MCM10: variants seen among roughly 807,000 people sequenced by gnomAD.
The protein encoded by MCM10 is protein MCM10 homolog.
Under a neutral mutation model 109.9 loss-of-function variants are expected in MCM10, and 91 were observed. The observed-to-expected ratio is 0.83, with a 90% CI of 0.70 to 0.99. The LOEUF (loss-of-function observed/expected upper bound fraction) is 0.99, where lower values mean the gene tolerates loss of function less well. MCM10 is among the 50% of genes least tolerant of loss of function. The pLI is 0.00. For synonymous variants in MCM10, 380 were observed against 387.2 expected, an observed-to-expected ratio of 0.98 and a Z score of 0.22; for missense variants, 1,077 against 1,061.2, an observed-to-expected ratio of 1.01 and a Z score of -0.21.
rs187685058 is a variant in MCM10, at chr10:13,209,117, G to A, written c.2525G>A (p.Arg842Gln). 326 of 1,613,106 alleles carry A rather than the reference G, an allele frequency of 2.0e-4. 2 individuals carry two copies. In the East Asian group the frequency reaches 5.7e-3, roughly 28 times the overall value. The change falls in exon 19 of 20, where the codon CGG (arginine) becomes CAG (glutamine). Residue 842 changes from arginine to glutamine, a missense_variant. Arg to Gln is a conservative substitution (Grantham distance 43, BLOSUM62 1). Transcript: ENST00000378714. ...CSNCGLYKWE[R>Q]DGMLKEKTGP... ...AACTGTGGCCTCTACAAATGGGAAC[G>A]GGACGGAATGCTAAAGGTATGCCAT...
Position 13,210,300 on chromosome 10 carries a change from C to T in MCM10, c.*990C>T, listed in dbSNP as rs1834643405. ...AAACTCCTGAGCACTAGCAATCCACCCACCTCTGTTTCCAAAAAAAAAAAA... is the reference window on the plus strand; with the variant it reads ...AAACTCCTGAGCACTAGCAATCCACTCACCTCTGTTTCCAAAAAAAAAAAA... On this transcript the variant is annotated 3_prime_UTR_variant, in exon 20 of 20. Coordinates refer to ENST00000378714, the MANE Select transcript of MCM10 (RefSeq NM_018518.5). 7.1e-6 allele frequency: 1 copy of T among 141,544 alleles called. No individual in the cohort carries two copies. The highest frequency in any genetic ancestry group is 1.5e-5 in the Non-Finnish European group (1 of 64,980). The allele number at this position is 141,544 out of a possible 1,614,324, so 8.8% of individuals were successfully genotyped here.
chr10:13,162,139 A>G (rs766207718), intron 1 of MCM10, among the ~76,000 whole-genome samples: 4 of 152,172 alleles, frequency 2.6e-5, no homozygotes, highest in Non-Finnish European at 4.4e-5. Flanking sequence ...GCTTTCTTCG[A>G]CAGAGCCTGA....
chr10:13,206,230 G>A (rs769599325), intron 18 of MCM10, among the ~76,000 whole-genome samples: 29 of 152,222 alleles, frequency 1.9e-4, no homozygotes, highest in African/African-American at 2.4e-4. Context: ...GTCTGTGCTC[G>A]CTATGTTCCT....
intron 18 of MCM10, among the ~76,000 whole-genome samples, chr10:13,208,189 G>A (rs1051429659): frequency 1.3e-5 from 2 of 151,964 alleles, no homozygotes; most frequent in East Asian, 3.9e-4. Flanking sequence ...TTCAAGACCA[G>A]CCTGGGCAAC....
In MCM10 at chr10:13,210,680, T is replaced by A. The variant is rs1446403468; in HGVS notation, c.*1370T>A. On this transcript the variant is annotated 3_prime_UTR_variant, in exon 20 of 20. Transcript: ENST00000378714. ...TGCTGTATCTAACTTGTGTTCCTCC[T>A]AAGGTTATGTCCTAATAACTATTCT... 6.6e-6 allele frequency: 1 copy of A among 152,234 alleles called. No individual in the cohort carries two copies. Among genetic ancestry groups the A allele is most frequent in the Admixed American group, 6.5e-5 (1 of 15,282 alleles). 9.4% of individuals were successfully genotyped at this position (152,234 alleles called of 1,614,324 possible).
At chr10:13,203,762 G>A (rs967467464) in intron 17 of MCM10, among the ~76,000 whole-genome samples, 1 of 152,028 alleles carries the variant, frequency 6.6e-6, no homozygotes, top group African/African-American at 2.4e-5. Flanking sequence ...TAGGGAGTAA[G>A]AATAAGCCTA....
At position 13,189,194 on chromosome 10, in the gene MCM10, A is replaced by G. The variant is rs2296221; in HGVS notation, c.1415+114A>G. On this transcript the variant is annotated intron_variant, in intron 10 of 19. Coordinates refer to ENST00000378714, the MANE Select transcript of MCM10 (RefSeq NM_018518.5). ...GATACTTGTACAGGTTTTATCTTTC[A>G]TAACTCACTACTTGAAACAAGTTGG... 632,151 of 1,135,494 alleles carry G rather than the reference A, an allele frequency of 0.56. 177,851 individuals are homozygous for G. The highest frequency in any genetic ancestry group is 0.59 in the South Asian group (39,572 of 67,056). 70.3% of individuals were successfully genotyped at this position (1,135,494 alleles called of 1,614,324 possible). A position where few individuals can be genotyped will look rare whatever the true frequency, so the allele number is the denominator to read the frequency against.
At chr10:13,174,564 AC>A (rs946117118) in intron 5 of MCM10, among the ~76,000 whole-genome samples, 22 of 152,210 alleles carry the variant, frequency 1.4e-4, no homozygotes, top group African/African-American at 5.3e-4. Flanking sequence ...ATAGAGTGGA[AC>A]TATCTAGTAC....
chr10:13,189,036 C>T lies in MCM10; in HGVS notation c.1371C>T (p.Gly457=). ...TSLKERLCQD[G]FYYGGVSSAS... ...TCAAAGAACGGCTGTGCCAAGATGG[C>T]TTTTACTACGGAGGGGTTTCTTCTG... Residue 457 remains glycine (G), a synonymous_variant, in exon 10 of 20, where the codon GGC becomes GGT. Transcript: ENST00000378714. 3.7e-6 allele frequency: 6 copies of T among 1,614,248 alleles called. No individual in the cohort carries two copies. Among genetic ancestry groups the T allele is most frequent in the Non-Finnish European group, 4.2e-6 (5 of 1,180,048 alleles).
Position 13,172,533 on chromosome 10 carries a change from T to C in MCM10, c.454+53T>C. On this transcript the variant is annotated intron_variant, in intron 4 of 19. Coordinates refer to ENST00000378714, the MANE Select transcript of MCM10 (RefSeq NM_018518.5). This position sits in a 1 kb window ranked among gnomAD's most constrained non-coding sequence, Gnocchi z 5.2. ...TGTGCATTTATTTTATTAGAAATTATCACATCATTTCTGCATCCAACTCCT... is the reference window on the plus strand; with the variant it reads ...TGTGCATTTATTTTATTAGAAATTACCACATCATTTCTGCATCCAACTCCT... 1 of 1,601,702 alleles carries C rather than the reference T, an allele frequency of 6.2e-7. No individual in the cohort carries two copies. Among genetic ancestry groups the C allele is most frequent in the South Asian group, 1.1e-5 (1 of 90,472 alleles).
At position 13,171,670 on chromosome 10, in the gene MCM10, T is replaced by C. The variant is rs148019494; in HGVS notation, c.349+407T>C. ...TCATTCCTGGCATCTCATACATGTT[T>C]AAGCTATAGTAAAATTCAATGGTTA... is the stretch of plus-strand genomic sequence containing the variant. On this transcript the variant is annotated intron_variant, in intron 3 of 19. Transcript: ENST00000378714. 3.3e-5 allele frequency among the ~76,000 whole-genome samples: 5 copies of C among 152,364 alleles called. No individual in the cohort carries two copies. In the East Asian group the frequency reaches 9.6e-4, roughly 29 times the overall value.
chr10:13,189,421 TAGGTGATTCTTCTGCCTC>T (rs1834318950), intron 10 of MCM10, among the ~76,000 whole-genome samples: 1 of 152,058 alleles, frequency 6.6e-6, no homozygotes, highest in African/African-American at 2.4e-5. Flanking sequence ...GTCCTGGGTT[TAGGTGATTCTTCTGCCTC>T]AGCCTCCTGA....
At chr10:13,197,807 G>A in intron 15 of MCM10, 40 bp downstream of exon 15, 1 of 1,582,974 alleles carries the variant, frequency 6.3e-7, no homozygotes. Flanking sequence ...AAGAGAAACT[G>A]TTTCTAAGGG....
At chr10:13,167,350 G>T (rs1192678699) in intron 2 of MCM10, among the ~76,000 whole-genome samples, 4 of 152,162 alleles carry the variant, frequency 2.6e-5, no homozygotes. Context: ...TGAAGCTGAA[G>T]AGCTGCTGGA....
rs115614264 is a variant in MCM10 at position 13,193,119 on chromosome 10, G to A, written c.1745+551G>A. Among the ~76,000 whole-genome samples, 666 of 151,972 alleles carry A rather than the reference G, an allele frequency of 4.4e-3. 6 individuals are homozygous for A. The highest frequency in any genetic ancestry group is 0.015 in the African/African-American group (631 of 41,444). On this transcript the variant is annotated intron_variant, in intron 13 of 19. Transcript: ENST00000378714. ...CCAAGCTGGTCTCAAATTCCTGGAC[G>A]CAAGCCTGGATTTGCCTGGCTGCCA...
chr10:13,190,048 C>G (rs1834327726), intron 10 of MCM10, among the ~76,000 whole-genome samples: 1 of 152,240 alleles, frequency 6.6e-6, no homozygotes, highest in African/African-American at 2.4e-5. Flanking sequence ...GCATTCAAAG[C>G]CATCCTGGGC....
chr10:13,172,364 T>C lies in MCM10; in HGVS notation c.350-12T>C. On this transcript the variant is annotated splice_polypyrimidine_tract_variant and intron_variant, in intron 3 of 19. Coordinates refer to ENST00000378714, the MANE Select transcript of MCM10 (RefSeq NM_018518.5). This position sits in a 1 kb window ranked among gnomAD's most constrained non-coding sequence, Gnocchi z 5.2. ...TGCCTGGTTCTTAAATTAACATATT[T>C]TCATTTCCTAGAGGAATTAAGGAAT... The C allele has an allele frequency of 6.3e-7, 1 of 1,592,552 alleles. No homozygotes were observed. Among genetic ancestry groups the C allele is most frequent in the African/African-American group, 1.3e-5 (1 of 74,322 alleles).
At chr10:13,204,099 A>C in intron 17 of MCM10, 120 bp from the exon 18 acceptor site, 28 of 1,147,218 alleles carry the variant, frequency 2.4e-5, no homozygotes, top group Middle Eastern at 3.1e-4. Context: ...GTCCCCTAGC[A>C]AGGGCCCAGG....
chr10:13,187,205 A>G (rs1834286391), intron 9 of MCM10, among the ~76,000 whole-genome samples: 1 of 152,156 alleles, frequency 6.6e-6, no homozygotes. Flanking sequence ...CCTCTTCTAG[A>G]CATTTCATAT....
Sources: gnomAD v4.1 joint callset for allele counts (sites outside exome capture counted in the v4.1 genomes callset) on GRCh38, gnomAD v4.1.1 for gene constraint, Gnocchi (gnomAD v3.1) non-coding constraint, MANE v1.5 for transcripts, NCBI Gene and HGNC (gene_info 2026-07-23, HGNC 2026-07-21) for gene names.